Variants in KCNQ1 observed in about 807,000 individuals in gnomAD.
The protein encoded by KCNQ1 is potassium voltage-gated channel subfamily KQT member 1.
In KCNQ1, 49 loss-of-function variants were observed where a neutral mutation model predicts 72.4. The ratio of observed to expected loss-of-function variants is 0.68; its 90% confidence interval spans 0.54 to 0.86. The LOEUF (loss-of-function observed/expected upper bound fraction) is 0.86, where lower values mean the gene tolerates loss of function less well. KCNQ1 is among the 40% of genes least tolerant of loss of function. The pLI is 0.00. For synonymous variants in KCNQ1, 450 were observed against 412.6 expected (o/e 1.09, Z -1.10); for missense variants, 790 against 945.1 (o/e 0.84, Z 2.15).
rs1200866242 is a variant in KCNQ1, at chr11:2,828,648, T to C, written c.1795-19119T>C. ...CAAGCTCAGCTAGAGACAGGTTGAG[T>C]CTCCAGAAAAGCTGAGCCTGAGAGG... On this transcript the variant is annotated intron_variant, in intron 15 of 15. Coordinates refer to ENST00000155840, the MANE Select transcript of KCNQ1 (RefSeq NM_000218.3). This position sits in a 1 kb window ranked among gnomAD's most constrained non-coding sequence, Gnocchi z 5.3. 1.3e-5 allele frequency among the ~76,000 whole-genome samples: 2 copies of C among 151,802 alleles called. No homozygotes were observed. Among genetic ancestry groups the C allele is most frequent in the Non-Finnish European group, 2.9e-5 (2 of 67,970 alleles).
chr11:2,772,459 T>C lies in KCNQ1; in HGVS notation c.1591-3501T>C, dbSNP rs565204602. Among the ~76,000 whole-genome samples, 1 of 152,168 alleles carries C rather than the reference T, an allele frequency of 6.6e-6. No individual in the cohort carries two copies. The highest frequency in any genetic ancestry group is 1.9e-4 in the East Asian group (1 of 5,156). ...AGGCTCCTGAAGTCAGGATGATCTT[T>C]CCAGCCCAACCCCAGAGGACCACTG... On this transcript the variant is annotated intron_variant, in intron 12 of 15. Transcript: ENST00000155840. This position sits in a 1 kb window ranked among gnomAD's most constrained non-coding sequence, Gnocchi z 6.6.
rs1564859722 is a variant in KCNQ1, at chr11:2,691,164, G to A, written c.1514+29083G>A. ...CTGTGCTGGCCTCTGGCCTCTCACA[G>A]CCTTGGGAGGGGTGCTCAGAGCTCA... On this transcript the variant is annotated intron_variant, in intron 11 of 15. Transcript: ENST00000155840. The surrounding 1 kb of genome is among the most constrained non-coding windows in gnomAD (Gnocchi z 6.4). 4 of 398,578 alleles carry A rather than the reference G, an allele frequency of 1.0e-5. No individual in the cohort carries two copies. The highest frequency in any genetic ancestry group is 4.4e-5 in the Admixed American group (1 of 22,722). The allele number at this position is 398,578 out of a possible 1,614,324, so 24.7% of individuals were successfully genotyped here.
At chr11:2,514,694 C>T (rs1012144604) in intron 1 of KCNQ1, among the ~76,000 whole-genome samples, 21 of 152,198 alleles carry the variant, frequency 1.4e-4, no homozygotes, top group African/African-American at 2.4e-4. Context: ...GGCGTGGTGG[C>T]GGGCGCCTGT....
chr11:2,846,673 G>A (rs1444208895), intron 15 of KCNQ1, among the ~76,000 whole-genome samples: 3 of 152,226 alleles, frequency 2.0e-5, no homozygotes, highest in African/African-American at 7.2e-5. Flanking sequence ...CTGCCGGCCA[G>A]GGCCTTCCAG....
At chr11:2,503,481 C>G (rs992016053) in intron 1 of KCNQ1, among the ~76,000 whole-genome samples, 2 of 136,772 alleles carry the variant, frequency 1.5e-5, no homozygotes, top group African/African-American at 5.5e-5. Context: ...TAGGTGGGAA[C>G]TGAACAATGA....
intron 10 of KCNQ1, chr11:2,616,420 A>C: frequency 5.0e-6 from 2 of 397,794 alleles, no homozygotes; most frequent in Non-Finnish European, 8.9e-6. Context: ...ATATTATTTC[A>C]TTCTCTCTTT....
In KCNQ1 at chr11:2,698,570, C is replaced by G. The variant is rs1850716721; in HGVS notation, c.1514+36489C>G. On this transcript the variant is annotated intron_variant, in intron 11 of 15. Coordinates refer to ENST00000155840, the MANE Select transcript of KCNQ1 (RefSeq NM_000218.3). This position sits in a 1 kb window ranked among gnomAD's most constrained non-coding sequence, Gnocchi z 5.1. Reference sequence around the variant, plus strand: ...TTACTTCGCCCCCTAATTCCTGACTCAGAATCCCCACCTAGAGGCAGAACT... The same window carrying G: ...TTACTTCGCCCCCTAATTCCTGACTGAGAATCCCCACCTAGAGGCAGAACT... 1 of 398,450 alleles carries G rather than the reference C, an allele frequency of 2.5e-6. No individual in the cohort carries two copies. The highest frequency in any genetic ancestry group is 3.6e-5 in the East Asian group (1 of 28,082). 24.7% of individuals were successfully genotyped at this position (398,450 alleles called of 1,614,324 possible). A position where few individuals can be genotyped will look rare whatever the true frequency, so the allele number is the denominator to read the frequency against.
At chr11:2,581,605 T>C in intron 6 of KCNQ1, among the ~76,000 whole-genome samples, 1 of 152,228 alleles carries the variant, frequency 6.6e-6, no homozygotes, top group Non-Finnish European at 1.5e-5. Context: ...GTTCAAGGTG[T>C]CTGCACCTGA....
At chr11:2,569,911 C>T (rs1025099794) in intron 2 of KCNQ1, among the ~76,000 whole-genome samples, 2 of 152,202 alleles carry the variant, frequency 1.3e-5, no homozygotes, top group Non-Finnish European at 2.9e-5. Context: ...CTCCAGGAAC[C>T]TCCGCCCTCT....
chr11:2,517,004 G>A (rs1847298814), intron 1 of KCNQ1, among the ~76,000 whole-genome samples: 1 of 152,182 alleles, frequency 6.6e-6, no homozygotes. Context: ...GGCATGGCAG[G>A]GCCCTCAAGC....
At chr11:2,618,996 A>G (rs1589984928) in intron 10 of KCNQ1, 1 of 398,238 alleles carries the variant, frequency 2.5e-6, no homozygotes, top group South Asian at 1.3e-4. Flanking sequence ...TGTGTATAGA[A>G]ATGCAACTAC....
chr11:2,616,483 T>C, intron 10 of KCNQ1: 1 of 397,946 alleles, frequency 2.5e-6, no homozygotes, highest in Non-Finnish European at 4.4e-6. Context: ...GGTATAATAT[T>C]AGGTTATGGA....
chr11:2,528,048 G>A, intron 2 of KCNQ1, 30 bp downstream of exon 2: 2 of 1,568,388 alleles, frequency 1.3e-6, no homozygotes, highest in East Asian at 2.2e-5. Flanking sequence ...ATGGCTGGAT[G>A]TCATGGCTGC....
At position 2,657,708 on chromosome 11, in the gene KCNQ1, G is replaced by A. The variant is rs948111123; in HGVS notation, c.1394-4253G>A. On this transcript the variant is annotated intron_variant, in intron 10 of 15. Coordinates refer to ENST00000155840, the MANE Select transcript of KCNQ1 (RefSeq NM_000218.3). This position sits in a 1 kb window ranked among gnomAD's most constrained non-coding sequence, Gnocchi z 4.8. ...CTGTTCCAAGATCCCATCTAGGATC[G>A]ATCATTACATTTATTGTCATCTCTG... 7.5e-6 allele frequency: 3 copies of A among 398,490 alleles called. No individual in the cohort carries two copies. The highest frequency in any genetic ancestry group is 1.3e-5 in the Non-Finnish European group (3 of 226,040). 24.7% of individuals were successfully genotyped at this position (398,490 alleles called of 1,614,324 possible).
chr11:2,496,395 C>T (rs566186701), intron 1 of KCNQ1, among the ~76,000 whole-genome samples: 5 of 151,528 alleles, frequency 3.3e-5, no homozygotes, highest in African/African-American at 1.2e-4. Context: ...CAAGATAGCG[C>T]CACTGCAGTC....
In KCNQ1 at chr11:2,626,847, A is replaced by G; in HGVS notation, c.1394-35114A>G. 1 of 398,604 alleles carries G rather than the reference A, an allele frequency of 2.5e-6. No individual in the cohort carries two copies. The highest frequency in any genetic ancestry group is 4.4e-6 in the Non-Finnish European group (1 of 226,052). 24.7% of individuals were successfully genotyped at this position (398,604 alleles called of 1,614,324 possible). The stretch of plus-strand genomic sequence containing the variant: ...CTGGCCTGTAGTAAGTTTTCAAATC[A>G]GAAAGTGTGAGTCCTCCAATGTTGT... On this transcript the variant is annotated intron_variant, in intron 10 of 15. Coordinates refer to ENST00000155840, the MANE Select transcript of KCNQ1 (RefSeq NM_000218.3). The surrounding 1 kb of genome is among the most constrained non-coding windows in gnomAD (Gnocchi z 4.0).
chr11:2,699,920 C>T (rs1275038880), intron 11 of KCNQ1: 1 of 398,352 alleles, frequency 2.5e-6, no homozygotes, highest in Non-Finnish European at 4.4e-6. Context: ...CAGAATCGCG[C>T]TGAGGGGCGC....
At chr11:2,584,825 TG>T in intron 7 of KCNQ1, among the ~76,000 whole-genome samples, 1 of 152,226 alleles carries the variant, frequency 6.6e-6, no homozygotes, top group Non-Finnish European at 1.5e-5. Context: ...CAACCGTCCT[TG>T]GGCGAGGCAG....
intron 1 of KCNQ1, among the ~76,000 whole-genome samples, chr11:2,524,476 G>T (rs961053987): frequency 2.0e-5 from 3 of 152,204 alleles, no homozygotes; most frequent in Admixed American, 6.5e-5. Context: ...GCAGGGTCTC[G>T]TGGGGGTCTG....
Sources: gnomAD v4.1 joint callset for allele counts (sites outside exome capture counted in the v4.1 genomes callset) on GRCh38, gnomAD v4.1.1 for gene constraint, Gnocchi (gnomAD v3.1) non-coding constraint, MANE v1.5 for transcripts, NCBI Gene and HGNC (gene_info 2026-07-23, HGNC 2026-07-21) for gene names.